The following RBFOX1 variants were observed in gnomAD, a reference collection of about 807,000 sequenced individuals.
The protein encoded by RBFOX1 is RNA binding protein fox-1 homolog 1.
RBFOX1 carries 8 observed loss-of-function variants against 57.7 expected under a neutral mutation model. The ratio of observed to expected loss-of-function variants is 0.14; its 90% CI spans 0.08 to 0.25. RBFOX1 has a LOEUF of 0.25. Ranked by LOEUF, RBFOX1 falls within the 10% of genes least tolerant of loss-of-function variation. The pLI, the probability that RBFOX1 is intolerant of heterozygous loss-of-function variation, is 1.00. For missense variants in RBFOX1, 611 were observed against 548.5 expected (o/e 1.11, Z -1.14); for synonymous variants, 326 against 222.4 (o/e 1.47, Z -4.15).
intron 3 of RBFOX1, among the ~76,000 whole-genome samples, chr16:7,043,678 C>G (rs1204144928): frequency 6.6e-6 from 1 of 152,170 alleles, no homozygotes; most frequent in Non-Finnish European, 1.5e-5. Flanking sequence ...TTCCAACATT[C>G]TATTATTGTG....
At chr16:6,373,634 T>C (rs1038558346) in intron 2 of RBFOX1, among the ~76,000 whole-genome samples, 2 of 151,916 alleles carry the variant, frequency 1.3e-5, no homozygotes, top group African/African-American at 4.8e-5. Context: ...AGTAGGAGGA[T>C]GATTGGGTGG....
rs553479897 is a variant in RBFOX1 at position 6,790,628 on chromosome 16, G to C, written c.-16+135978G>C. On this transcript the variant is annotated intron_variant, in intron 3 of 15. Transcript: ENST00000550418. ...GCACATGTTTTTAAGTCTCTTTACT[G>C]TAGTTAGGACTCTGAGCTTCCTGTT... Among the ~76,000 whole-genome samples, 3 of 152,140 alleles carry C rather than the reference G, an allele frequency of 2.0e-5. No homozygotes were observed. The South Asian group carries it at 6.2e-4, about 32-fold the overall frequency.
At chr16:6,879,175 G>A (rs929696815) in intron 3 of RBFOX1, among the ~76,000 whole-genome samples, 1 of 152,072 alleles carries the variant, frequency 6.6e-6, no homozygotes, top group Non-Finnish European at 1.5e-5. Context: ...AAGAATATCA[G>A]CCCTTTTAAT....
At chr16:6,193,372 A>ACAT (rs1241076649) in intron 1 of RBFOX1, among the ~76,000 whole-genome samples, 198 of 101,834 alleles carry the variant, frequency 1.9e-3, no homozygotes, top group Non-Finnish European at 3.1e-3. Context: ...ATATATATAT[A>ACAT]TATACATTAT....
intron 4 of RBFOX1, among the ~76,000 whole-genome samples, chr16:5,909,090 C>CTATTT (rs2058549462): frequency 8.6e-6 from 1 of 116,388 alleles, no homozygotes; most frequent in East Asian, 2.6e-4. Context: ...CTAAGCCCCC[C>CTATTT]TTTTTTTTTT....
intron 3 of RBFOX1, among the ~76,000 whole-genome samples, chr16:6,815,315 G>A (rs987230490): frequency 1.3e-5 from 2 of 152,116 alleles, no homozygotes; most frequent in African/African-American, 2.4e-5. Flanking sequence ...AGGTCTTTGT[G>A]CCCCGTATTG....
intron 10 of RBFOX1, among the ~76,000 whole-genome samples, chr16:7,623,312 A>C (rs150072426): frequency 6.6e-6 from 1 of 152,100 alleles, no homozygotes; most frequent in South Asian, 2.1e-4. Context: ...CCTTATTTCT[A>C]TTATTATTAC....
chr16:7,001,914 A>T (rs1412356329), intron 3 of RBFOX1, among the ~76,000 whole-genome samples: 2 of 152,152 alleles, frequency 1.3e-5, no homozygotes, highest in Non-Finnish European at 2.9e-5. Flanking sequence ...GGTCCCCAAA[A>T]TAGAAGATCA....
chr16:5,841,750 C>T (rs1013470832), intron 3 of RBFOX1, among the ~76,000 whole-genome samples: 1 of 152,162 alleles, frequency 6.6e-6, no homozygotes, highest in Non-Finnish European at 1.5e-5. Flanking sequence ...GACTCCCAGC[C>T]CATCAACTGA....
intron 2 of RBFOX1, among the ~76,000 whole-genome samples, chr16:6,560,302 GAAAACC>G (rs2097163283): frequency 6.6e-6 from 1 of 150,500 alleles, no homozygotes; most frequent in South Asian, 2.1e-4. Flanking sequence ...ATGGAAAAAA[GAAAACC>G]AAAACAGAAA....
At chr16:6,383,945 G>GA (rs886794756) in intron 2 of RBFOX1, among the ~76,000 whole-genome samples, 1 of 150,946 alleles carries the variant, frequency 6.6e-6, no homozygotes, top group Non-Finnish European at 1.5e-5. Flanking sequence ...ATTTTAAGGG[G>GA]AAAAAAAAGA....
At chr16:6,155,803 C>T (rs1328443415) in intron 1 of RBFOX1, among the ~76,000 whole-genome samples, 1 of 152,012 alleles carries the variant, frequency 6.6e-6, no homozygotes, top group African/African-American at 2.4e-5. Context: ...TTTTGGAACT[C>T]ACTTATTTTT....
intron 4 of RBFOX1, among the ~76,000 whole-genome samples, chr16:7,299,050 A>G (rs772224582): frequency 6.6e-6 from 1 of 152,224 alleles, no homozygotes. Flanking sequence ...CAGGACAGAT[A>G]TCTAGAATTA....
At chr16:6,553,074 A>T (rs1304073249) in intron 2 of RBFOX1, among the ~76,000 whole-genome samples, 2 of 152,182 alleles carry the variant, frequency 1.3e-5, no homozygotes, top group East Asian at 3.9e-4. Context: ...AGTTACAGCC[A>T]GAGTCTCAGT....
At chr16:7,699,257 C>T (rs1031253495) in intron 14 of RBFOX1, among the ~76,000 whole-genome samples, 6 of 110,972 alleles carry the variant, frequency 5.4e-5, no homozygotes, top group Non-Finnish European at 1.0e-4. Context: ...ATAGCCTGAT[C>T]TTAGCTTCCT....
chr16:6,769,675 C>T (rs929754831), intron 3 of RBFOX1, among the ~76,000 whole-genome samples: 1 of 152,194 alleles, frequency 6.6e-6, no homozygotes, highest in Non-Finnish European at 1.5e-5. Context: ...CCATATCCCT[C>T]TCTGCTAATG....
chr16:6,781,733 A>G (rs1210288095), intron 3 of RBFOX1, among the ~76,000 whole-genome samples: 3 of 152,048 alleles, frequency 2.0e-5, no homozygotes, highest in Admixed American at 2.0e-4. Context: ...ATACTCTCTA[A>G]TTTACCTTTG....
At position 6,989,411 on chromosome 16, in the gene RBFOX1, A is replaced by G. The variant is rs150102423; in HGVS notation, c.-15-62646A>G. Among the ~76,000 whole-genome samples the G allele has an allele frequency of 5.8e-3, 883 of 152,284 alleles. 3 individuals are homozygous for G. Among genetic ancestry groups the G allele is most frequent in the African/African-American group, 0.02 (821 of 41,560 alleles). ...AGTGTATAATGAATTACAATTTGTTATTATTTAACGGTGCAATTAGAACTT... is the reference window on the plus strand; with the variant it reads ...AGTGTATAATGAATTACAATTTGTTGTTATTTAACGGTGCAATTAGAACTT... On this transcript the variant is annotated intron_variant, in intron 3 of 15. Coordinates refer to ENST00000550418, the MANE Select transcript of RBFOX1 (RefSeq NM_018723.4).
rs187436623 is a variant in RBFOX1 at position 6,539,875 on chromosome 16, C to G, written c.-63-114728C>G. On this transcript the variant is annotated intron_variant, in intron 2 of 15. Coordinates refer to ENST00000550418, the MANE Select transcript of RBFOX1 (RefSeq NM_018723.4). ...ATCTCATTGTCTTCCTACAAGCTGT[C>G]TTTTTGCTTCTGCATGAACTTTTAA... 5.9e-3 allele frequency among the ~76,000 whole-genome samples: 809 copies of G among 138,058 alleles called. 8 individuals are homozygous for G. Among genetic ancestry groups the G allele is most frequent in the Non-Finnish European group, 6.8e-3 (420 of 62,216 alleles). The allele number at this position is 138,058 out of a possible 152,430, so 90.6% of individuals were successfully genotyped here.
Sources: allele counts gnomAD v4.1 joint callset (sites outside exome capture counted in the v4.1 genomes callset), GRCh38; gene constraint gnomAD v4.1.1; transcripts MANE v1.5; gene names NCBI Gene and HGNC (gene_info 2026-07-23, HGNC 2026-07-21).